The following UVRAG variants were observed in gnomAD, a reference collection of about 807,000 sequenced individuals.
UVRAG encodes UV radiation resistance-associated gene protein.
Under a neutral mutation model 78.0 loss-of-function variants are expected in UVRAG, and 19 were observed. That is an observed-to-expected ratio of 0.24 (90% CI 0.17 to 0.36). UVRAG has a LOEUF of 0.36. UVRAG is among the 10% of genes least tolerant of loss of function. The pLI is 1.00. For missense variants in UVRAG, 740 were observed against 853.8 expected, an observed-to-expected ratio of 0.87 and a Z score of 1.66; for synonymous variants, 323 against 324.6, an observed-to-expected ratio of 1.00 and a Z score of 0.05.
intron 11 of UVRAG, among the ~76,000 whole-genome samples, chr11:76,009,149 G>A (rs369104188): frequency 2.4e-4 from 36 of 151,988 alleles, no homozygotes; most frequent in East Asian, 9.6e-4. Flanking sequence ...ACAAATAATC[G>A]CCCTTCCTTT....
chr11:76,026,763 A>C (rs901473578), intron 12 of UVRAG, among the ~76,000 whole-genome samples: 1 of 152,116 alleles, frequency 6.6e-6, no homozygotes, highest in Non-Finnish European at 1.5e-5. Flanking sequence ...TTGCTATGCA[A>C]CTTTAAAGTA....
chr11:76,123,201 A>G (rs1471411176), intron 14 of UVRAG, among the ~76,000 whole-genome samples: 1 of 152,178 alleles, frequency 6.6e-6, no homozygotes, highest in African/African-American at 2.4e-5. Flanking sequence ...TCCTCAGGGA[A>G]ACCCACCAGA....
chr11:76,123,632 A>G, intron 14 of UVRAG, among the ~76,000 whole-genome samples: 1 of 152,210 alleles, frequency 6.6e-6, no homozygotes, highest in East Asian at 1.9e-4. Context: ...TAGAGCTTAA[A>G]CTATGTAACA....
At chr11:75,877,257 A>G (rs1346799248) in intron 3 of UVRAG, among the ~76,000 whole-genome samples, 3 of 152,148 alleles carry the variant, frequency 2.0e-5, no homozygotes, top group African/African-American at 4.8e-5. Flanking sequence ...TTCTTTCCAC[A>G]CAGACACGGC....
intron 6 of UVRAG, among the ~76,000 whole-genome samples, chr11:75,940,634 T>C (rs1948466095): frequency 1.3e-5 from 2 of 152,178 alleles, no homozygotes; most frequent in South Asian, 4.1e-4. Flanking sequence ...GGAATAAATA[T>C]GTAGGTTGTA....
intron 1 of UVRAG, among the ~76,000 whole-genome samples, chr11:75,823,363 T>C (rs1317153002): frequency 6.6e-6 from 1 of 152,226 alleles, no homozygotes; most frequent in Non-Finnish European, 1.5e-5. Context: ...AGTATCTACA[T>C]AAATTATTTG....
At chr11:75,957,312 A>G (rs921435543) in intron 6 of UVRAG, among the ~76,000 whole-genome samples, 6 of 151,732 alleles carry the variant, frequency 4.0e-5, no homozygotes, top group African/African-American at 1.5e-4. Flanking sequence ...TGTTTAAAAA[A>G]CTTTGTTTTC....
At chr11:76,122,117 A>G (rs1952292296) in intron 14 of UVRAG, among the ~76,000 whole-genome samples, 1 of 152,218 alleles carries the variant, frequency 6.6e-6, no homozygotes, top group South Asian at 2.1e-4. Context: ...TGAAATAGGA[A>G]CAAAACAACA....
chr11:76,067,078 A>C (rs1225839802), intron 13 of UVRAG, among the ~76,000 whole-genome samples: 1 of 152,088 alleles, frequency 6.6e-6, no homozygotes, highest in Non-Finnish European at 1.5e-5. Context: ...AACCAACCTC[A>C]GTTTAATGGT....
chr11:76,037,966 A>C (rs1169552117), intron 12 of UVRAG, among the ~76,000 whole-genome samples: 1 of 152,176 alleles, frequency 6.6e-6, no homozygotes, highest in African/African-American at 2.4e-5. Context: ...AACAAACAAA[A>C]GGTAACAATA....
chr11:76,092,142 C>T (rs1362469859), intron 13 of UVRAG, among the ~76,000 whole-genome samples: 2 of 152,126 alleles, frequency 1.3e-5, no homozygotes, highest in African/African-American at 4.8e-5. Context: ...CCAGCTTCAT[C>T]CATGTCCCTA....
chr11:75,944,438 T>G (rs1309894619), intron 6 of UVRAG, among the ~76,000 whole-genome samples: 2 of 152,330 alleles, frequency 1.3e-5, no homozygotes, highest in East Asian at 1.9e-4. Flanking sequence ...TGGTAACTAC[T>G]TGATGACTTG....
intron 1 of UVRAG, among the ~76,000 whole-genome samples, chr11:75,826,314 C>T (rs1335873302): frequency 5.3e-5 from 8 of 151,894 alleles, no homozygotes; most frequent in Non-Finnish European, 4.4e-5. Flanking sequence ...CACCACCACA[C>T]CCACCTAATT....
At chr11:75,986,582 T>C in intron 8 of UVRAG, among the ~76,000 whole-genome samples, 1 of 152,284 alleles carries the variant, frequency 6.6e-6, no homozygotes, top group Middle Eastern at 3.4e-3. Flanking sequence ...GTTACAAATA[T>C]AAAAAATTGC....
intron 7 of UVRAG, among the ~76,000 whole-genome samples, chr11:75,967,347 A>G (rs1484965330): frequency 6.6e-6 from 1 of 152,164 alleles, no homozygotes; most frequent in Non-Finnish European, 1.5e-5. Context: ...CTGTGAAATT[A>G]ATGGATAGGA....
intron 12 of UVRAG, among the ~76,000 whole-genome samples, chr11:76,061,186 A>G (rs890793286): frequency 1.3e-5 from 2 of 152,132 alleles, no homozygotes; most frequent in Admixed American, 1.3e-4. Flanking sequence ...CTCTGTATCT[A>G]GCTACTCTGG....
At chr11:76,100,720 AG>A (rs1239502012) in intron 13 of UVRAG, among the ~76,000 whole-genome samples, 6 of 152,184 alleles carry the variant, frequency 3.9e-5, no homozygotes, top group African/African-American at 1.4e-4. Flanking sequence ...TATTAAGCCT[AG>A]TACCCAATAG....
intron 8 of UVRAG, among the ~76,000 whole-genome samples, chr11:76,002,640 A>G (rs913613884): frequency 2.0e-5 from 3 of 152,222 alleles, no homozygotes; most frequent in African/African-American, 7.2e-5. Context: ...GTCTTAAAAA[A>G]TCACTAAGGT....
At chr11:76,123,034 G>A (rs1022236876) in intron 14 of UVRAG, among the ~76,000 whole-genome samples, 2 of 152,102 alleles carry the variant, frequency 1.3e-5, no homozygotes, top group Non-Finnish European at 2.9e-5. Context: ...CTAAATGATG[G>A]AACTGGGACC....
Sources: allele counts gnomAD v4.1 joint callset (sites outside exome capture counted in the v4.1 genomes callset), GRCh38; gene constraint gnomAD v4.1.1; transcripts MANE v1.5; gene names NCBI Gene and HGNC (gene_info 2026-07-23, HGNC 2026-07-21).